MAGI2: variants seen among roughly 807,000 people sequenced by gnomAD.
MAGI2 encodes membrane associated guanylate kinase, WW and PDZ domain containing 2.
MAGI2 carries 35 observed loss-of-function variants against 133.3 expected under a neutral mutation model. That is an observed-to-expected ratio of 0.26 (90% CI 0.20 to 0.35). MAGI2 has a LOEUF of 0.35. Among genes scored for constraint, MAGI2 ranks in the 10% least tolerant of loss-of-function variants. The pLI, the probability that MAGI2 is intolerant of heterozygous loss-of-function variation, is 1.00. For missense variants in MAGI2, 1,636 were observed against 1,863.4 expected, an observed-to-expected ratio of 0.88 and a Z score of 2.25; for synonymous variants, 729 against 710.6, an observed-to-expected ratio of 1.03 and a Z score of -0.41.
intron 1 of MAGI2, among the ~76,000 whole-genome samples, chr7:79,374,314 A>G (rs1843239634): frequency 8.0e-6 from 1 of 124,680 alleles, no homozygotes; most frequent in Non-Finnish European, 1.6e-5. Context: ...GGAAATTTGG[A>G]CACACACCCA....
intron 1 of MAGI2, among the ~76,000 whole-genome samples, chr7:79,015,609 T>C (rs1483063328): frequency 5.3e-5 from 8 of 152,182 alleles, no homozygotes; most frequent in Non-Finnish European, 4.4e-5. Flanking sequence ...GTTATAACAA[T>C]TATAGGGTCA....
chr7:78,051,259 G>C (rs952294558), intron 21 of MAGI2, among the ~76,000 whole-genome samples: 1 of 152,222 alleles, frequency 6.6e-6, no homozygotes, highest in Non-Finnish European at 1.5e-5. Context: ...ACAGATGCAG[G>C]CAAGCTCCGA....
chr7:78,354,234 C>T (rs1445347327), intron 7 of MAGI2, among the ~76,000 whole-genome samples: 4 of 151,492 alleles, frequency 2.6e-5, no homozygotes, highest in African/African-American at 9.7e-5. Context: ...TGACTTGTAA[C>T]ATACTCTATG....
intron 6 of MAGI2, among the ~76,000 whole-genome samples, chr7:78,471,313 G>A (rs1791182416): frequency 6.6e-6 from 1 of 152,070 alleles, no homozygotes; most frequent in Non-Finnish European, 1.5e-5. Flanking sequence ...AATTTTCAAT[G>A]CCTTCTTTCC....
intron 2 of MAGI2, among the ~76,000 whole-genome samples, chr7:78,856,674 T>G (rs919891161): frequency 8.5e-5 from 13 of 152,104 alleles, no homozygotes; most frequent in East Asian, 1.9e-4. Context: ...ATAGTTTGAA[T>G]TCAGGTAGCA....
At chr7:79,045,136 A>C (rs552539279) in intron 1 of MAGI2, among the ~76,000 whole-genome samples, 6 of 152,362 alleles carry the variant, frequency 3.9e-5, no homozygotes, top group Middle Eastern at 6.8e-3. Flanking sequence ...ATACTCAAGA[A>C]GTATCAACTG....
At chr7:79,038,748 C>T (rs777978370) in intron 1 of MAGI2, among the ~76,000 whole-genome samples, 21 of 152,186 alleles carry the variant, frequency 1.4e-4, no homozygotes, top group Admixed American at 3.3e-4. Context: ...TTGTTCAAGG[C>T]TTTTTGCTTT....
intron 3 of MAGI2, among the ~76,000 whole-genome samples, chr7:78,602,707 A>G (rs1235733676): frequency 6.6e-6 from 1 of 152,198 alleles, no homozygotes; most frequent in African/African-American, 2.4e-5. Flanking sequence ...CATGTATGTG[A>G]TTATGTGAAA....
intron 2 of MAGI2, among the ~76,000 whole-genome samples, chr7:78,670,870 C>T (rs1814297597): frequency 1.3e-5 from 2 of 152,070 alleles, no homozygotes; most frequent in South Asian, 4.1e-4. Flanking sequence ...TCTACTTTAT[C>T]ATTAAAAATT....
chr7:78,396,217 A>G (rs1796332611), intron 6 of MAGI2, among the ~76,000 whole-genome samples: 1 of 152,136 alleles, frequency 6.6e-6, no homozygotes, highest in Non-Finnish European at 1.5e-5. Context: ...ATAAGTAGAA[A>G]CCAGGTACAA....
In MAGI2 at chr7:78,741,423, ACACAC is replaced by A. The variant is rs1563439127; in HGVS notation, c.419-114189_419-114185del. 1.1e-3 allele frequency among the ~76,000 whole-genome samples: 113 copies of A among 102,674 alleles called. 1 individual carries two copies. The highest frequency in any genetic ancestry group is 1.8e-3 in the African/African-American group (44 of 24,444). 67.4% of individuals were successfully genotyped at this position (102,674 alleles called of 152,430 possible). On this transcript the variant is annotated intron_variant, in intron 2 of 21. Transcript: ENST00000354212. ...CACACACACACACACACACACACAC[ACACAC>A]GGGAGGGGGGTTAGATCATAAAAGG... is the stretch of plus-strand genomic sequence containing the variant.
At chr7:78,725,779 T>A (rs1167962265) in intron 2 of MAGI2, among the ~76,000 whole-genome samples, 1 of 152,108 alleles carries the variant, frequency 6.6e-6, no homozygotes, top group African/African-American at 2.4e-5. Flanking sequence ...AGCCTGGGCG[T>A]CAGAGGGAAA....
intron 2 of MAGI2, among the ~76,000 whole-genome samples, chr7:78,840,038 T>G (rs1474071436): frequency 6.6e-6 from 1 of 152,078 alleles, no homozygotes; most frequent in Non-Finnish European, 1.5e-5. Flanking sequence ...CTGATACATT[T>G]TCAAAAGTGT....
intron 6 of MAGI2, among the ~76,000 whole-genome samples, chr7:78,415,928 T>C (rs1386665036): frequency 6.6e-6 from 1 of 152,120 alleles, no homozygotes; most frequent in Non-Finnish European, 1.5e-5. Flanking sequence ...GATGAGGCAT[T>C]ATAGTTCCAA....
At chr7:78,834,717 C>A (rs1194865778) in intron 2 of MAGI2, among the ~76,000 whole-genome samples, 1 of 152,096 alleles carries the variant, frequency 6.6e-6, no homozygotes, top group Non-Finnish European at 1.5e-5. Flanking sequence ...TGTCCCCACC[C>A]AAATTGCATA....
At chr7:78,502,532 G>C (rs1038038829) in intron 4 of MAGI2, among the ~76,000 whole-genome samples, 12 of 152,120 alleles carry the variant, frequency 7.9e-5, no homozygotes, top group African/African-American at 2.9e-4. Context: ...TAGAGAGAGA[G>C]AAAGACCACC....
At chr7:78,853,346 T>TCG (rs1793327927) in intron 2 of MAGI2, among the ~76,000 whole-genome samples, 1 of 79,874 alleles carries the variant, frequency 1.3e-5, no homozygotes, top group African/African-American at 4.7e-5. Flanking sequence ...TTTTTTTTTT[T>TCG]TTTTTTTTTT....
intron 1 of MAGI2, among the ~76,000 whole-genome samples, chr7:79,449,183 C>G (rs1339570967): frequency 6.6e-6 from 1 of 152,150 alleles, no homozygotes; most frequent in Admixed American, 6.5e-5. Flanking sequence ...CTCTATTATT[C>G]TAAGCCTGAA....
chr7:78,573,891 G>A (rs997125657), intron 3 of MAGI2, among the ~76,000 whole-genome samples: 3 of 151,964 alleles, frequency 2.0e-5, no homozygotes, highest in Non-Finnish European at 4.4e-5. Context: ...CTGGCTAGAG[G>A]CATCCTGAGA....
Sources: gnomAD v4.1 joint callset for allele counts (sites outside exome capture counted in the v4.1 genomes callset) on GRCh38, gnomAD v4.1.1 for gene constraint, MANE v1.5 for transcripts, NCBI Gene and HGNC (gene_info 2026-07-23, HGNC 2026-07-21) for gene names.